The following SHC4 variants were observed in gnomAD, a reference collection of about 807,000 sequenced individuals.
SHC4 encodes the protein SHC adaptor protein 4, also known as SHC-transforming protein 4.
Under a neutral mutation model 69.4 loss-of-function variants are expected in SHC4, and 41 were observed. That is an observed-to-expected ratio of 0.59 (90% confidence interval 0.46 to 0.77). SHC4 has a LOEUF of 0.77. Among genes scored for constraint, SHC4 ranks in the 30% least tolerant of loss-of-function variants. The pLI is 0.00. For missense variants in SHC4, 777 were observed against 783.8 expected, an observed-to-expected ratio of 0.99 and a Z score of 0.10; for synonymous variants, 318 against 299.3, an observed-to-expected ratio of 1.06 and a Z score of -0.64.
chr15:48,875,932 C>T (rs149786262), intron 4 of SHC4, among the ~76,000 whole-genome samples: 1,882 of 152,298 alleles, frequency 0.012, 19 homozygotes, highest in Admixed American at 0.022. Context: ...GCCCTTAACT[C>T]ACATCTGTTT....
chr15:48,857,588 T>A, intron 7 of SHC4, 104 bp downstream of exon 7: 1 of 1,084,802 alleles, frequency 9.2e-7, no homozygotes, highest in Non-Finnish European at 1.2e-6. Flanking sequence ...TAGTTCATTT[T>A]AAAATGCCAC....
intron 2 of SHC4, among the ~76,000 whole-genome samples, chr15:48,906,263 C>T (rs537363609): frequency 2.0e-5 from 3 of 152,240 alleles, no homozygotes; most frequent in East Asian, 3.9e-4. Context: ...TAACATCAAA[C>T]ATTTGATTAA....
intron 1 of SHC4, among the ~76,000 whole-genome samples, chr15:48,948,981 C>G (rs898083179): frequency 6.6e-6 from 1 of 152,182 alleles, no homozygotes; most frequent in African/African-American, 2.4e-5. Flanking sequence ...GGGAATGGAA[C>G]CTCATCCGTT....
chr15:48,876,687 A>G, intron 4 of SHC4: 1 of 591,932 alleles, frequency 1.7e-6, no homozygotes, highest in South Asian at 2.0e-5. Context: ...TTAGGCTGGG[A>G]GGCTAGGCCA....
intron 1 of SHC4, among the ~76,000 whole-genome samples, chr15:48,938,523 C>T (rs1221687982): frequency 1.3e-5 from 2 of 152,098 alleles, no homozygotes; most frequent in African/African-American, 2.4e-5. Flanking sequence ...TTCATCTTCC[C>T]AGCACACAGC....
At chr15:48,953,226 T>C (rs1271268518) in intron 1 of SHC4, among the ~76,000 whole-genome samples, 2 of 152,034 alleles carry the variant, frequency 1.3e-5, no homozygotes, top group Non-Finnish European at 2.9e-5. Flanking sequence ...TGAGAACGCA[T>C]GGACATATAG....
intron 6 of SHC4, among the ~76,000 whole-genome samples, chr15:48,865,503 A>C (rs1263928962): frequency 6.6e-6 from 1 of 152,238 alleles, no homozygotes; most frequent in Non-Finnish European, 1.5e-5. Flanking sequence ...GGAGGAAAGA[A>C]AACTATGCTT....
At chr15:48,952,430 G>T (rs1234633252) in intron 1 of SHC4, among the ~76,000 whole-genome samples, 1 of 152,032 alleles carries the variant, frequency 6.6e-6, no homozygotes, top group Non-Finnish European at 1.5e-5. Context: ...AGTAAGAGTA[G>T]GATACCATGA....
At position 48,963,406 on chromosome 15, in the gene SHC4, T is replaced by G. The variant is rs1901580970; in HGVS notation, c.-391A>C. 1 of 207,334 alleles carries G rather than the reference T, an allele frequency of 4.8e-6. No homozygotes were observed. Among genetic ancestry groups the G allele is most frequent in the African/African-American group, 2.3e-5 (1 of 43,440 alleles). 12.8% of individuals were successfully genotyped at this position (207,334 alleles called of 1,614,324 possible). A position where few individuals can be genotyped will look rare whatever the true frequency, so the allele number is the denominator to read the frequency against. ...CTTGCAGGAGCCTAGTAGAAATATT[T>G]AGCACCCGACTCCCACCCTCACCCC... On this transcript the variant is annotated 5_prime_UTR_variant, in exon 1 of 12. Coordinates refer to ENST00000332408, the MANE Select transcript of SHC4 (RefSeq NM_203349.4).
chr15:48,963,846 G>A lies in SHC4; in HGVS notation c.-831C>T, dbSNP rs1329795949. Among the ~76,000 whole-genome samples, 2 of 152,190 alleles carry A rather than the reference G, an allele frequency of 1.3e-5. No homozygotes were observed. The highest frequency in any genetic ancestry group is 4.8e-5 in the African/African-American group (2 of 41,444). ...TGAGATGTGCAGGATGATACGCAGC[G>A]TGTTGAAATTTTTATGAATGAACTT... On this transcript the variant is annotated 5_prime_UTR_variant, in exon 1 of 12. In the 5' UTR this introduces an upstream ATG that the reference lacks. Transcript: ENST00000332408.
chr15:48,952,511 AG>A (rs1346929707), intron 1 of SHC4, among the ~76,000 whole-genome samples: 1 of 152,222 alleles, frequency 6.6e-6, no homozygotes, highest in Non-Finnish European at 1.5e-5. Flanking sequence ...ACAGAATGGG[AG>A]AAAAGTTTTG....
chr15:48,853,005 A>G (rs1347774674), intron 8 of SHC4, among the ~76,000 whole-genome samples: 1 of 151,498 alleles, frequency 6.6e-6, no homozygotes, highest in East Asian at 1.9e-4. Context: ...CAGGCAAGAG[A>G]AAGAGATTAA....
At chr15:48,954,470 T>G (rs1184789850) in intron 1 of SHC4, among the ~76,000 whole-genome samples, 1 of 152,226 alleles carries the variant, frequency 6.6e-6, no homozygotes, top group Non-Finnish European at 1.5e-5. Context: ...CATTTTTAAC[T>G]GATACAGGTG....
At chr15:48,896,505 G>A (rs891937171) in intron 2 of SHC4, among the ~76,000 whole-genome samples, 3 of 152,028 alleles carry the variant, frequency 2.0e-5, no homozygotes, top group Admixed American at 6.5e-5. Flanking sequence ...ATTTTTAGTA[G>A]AGATGGGATT....
chr15:48,959,905 C>T (rs1901514129), intron 1 of SHC4, among the ~76,000 whole-genome samples: 1 of 152,198 alleles, frequency 6.6e-6, no homozygotes, highest in African/African-American at 2.4e-5. Context: ...TCTGCTTTAA[C>T]TCATCTGTGT....
intron 1 of SHC4, among the ~76,000 whole-genome samples, chr15:48,948,723 T>C (rs1595767555): frequency 6.6e-6 from 1 of 151,924 alleles, no homozygotes; most frequent in African/African-American, 2.4e-5. Context: ...CTGGGCAACA[T>C]AGCAAGGCCC....
chr15:48,946,468 C>A, intron 1 of SHC4: 1 of 565,064 alleles, frequency 1.8e-6, no homozygotes, highest in Non-Finnish European at 2.2e-6. Flanking sequence ...TCTTCCTTCT[C>A]CCTCCTCTCT....
At chr15:48,831,918 C>T (rs1314480273) in intron 11 of SHC4, among the ~76,000 whole-genome samples, 2 of 152,182 alleles carry the variant, frequency 1.3e-5, no homozygotes, top group Admixed American at 1.3e-4. Context: ...AGATCTAGTG[C>T]TAACAAACTC....
At chr15:48,904,809 C>T (rs2141013374) in intron 2 of SHC4, among the ~76,000 whole-genome samples, 1 of 151,946 alleles carries the variant, frequency 6.6e-6, no homozygotes. Context: ...TCACTTGAGC[C>T]CAGGAGTTTG....
Sources: gnomAD v4.1 joint callset for allele counts (sites outside exome capture counted in the v4.1 genomes callset) on GRCh38, gnomAD v4.1.1 for gene constraint, MANE v1.5 for transcripts, NCBI Gene and HGNC (gene_info 2026-07-23, HGNC 2026-07-21) for gene names.